ATRN: variants seen among roughly 807,000 people sequenced by gnomAD.
ATRN encodes the protein attractin, also known as attractin-2.
In ATRN, 54 loss-of-function variants were observed where a neutral mutation model predicts 178.7. The observed-to-expected ratio is 0.30, with a 90% CI of 0.24 to 0.38. The LOEUF (loss-of-function observed/expected upper bound fraction) is 0.38. Ranked by LOEUF, ATRN falls within the 10% of genes least tolerant of loss-of-function variation. The pLI is 1.00. For missense variants in ATRN, 1,443 were observed against 1,815.1 expected, an observed-to-expected ratio of 0.79 and a Z score of 3.73; for synonymous variants, 636 against 663.0, an observed-to-expected ratio of 0.96 and a Z score of 0.63.
chr20:3,507,992 C>A (rs570268357), intron 1 of ATRN, among the ~76,000 whole-genome samples: 1 of 151,930 alleles, frequency 6.6e-6, no homozygotes, highest in East Asian at 1.9e-4. Context: ...CATGAGCCAC[C>A]GCGCCTGGTG....
chr20:3,474,490 G>A (rs2146053341), intron 1 of ATRN, among the ~76,000 whole-genome samples: 1 of 147,362 alleles, frequency 6.8e-6, no homozygotes, highest in South Asian at 2.2e-4. Context: ...GGTGTATCAC[G>A]AGGTCAGGAG....
rs536209701 is a variant in ATRN at position 3,554,990 on chromosome 20, C to CTT, written c.1113-4374_1113-4373dup. The stretch of plus-strand genomic sequence containing the variant: ...TGGAACACCAAGTGTGACCTGACCT[C>CTT]TTTTTTTTTTTTTTTTTTTTTTTTT... On this transcript the variant is annotated intron_variant, in intron 6 of 28. Transcript: ENST00000262919. Among the ~76,000 whole-genome samples, 45 of 67,492 alleles carry CTT rather than the reference C, an allele frequency of 6.7e-4. 4 individuals are homozygous for CTT. The highest frequency in any genetic ancestry group is 2.5e-3 in the East Asian group (4 of 1,602). The allele number at this position is 67,492 out of a possible 152,430, so 44.3% of individuals were successfully genotyped here.
intron 6 of ATRN, among the ~76,000 whole-genome samples, chr20:3,554,999 T>C (rs2085849860): frequency 9.0e-6 from 1 of 111,466 alleles, no homozygotes; most frequent in African/African-American, 3.3e-5. Flanking sequence ...TCTTTTTTTT[T>C]TTTTTTTTTT....
intron 2 of ATRN, among the ~76,000 whole-genome samples, chr20:3,538,374 G>A (rs2085569928): frequency 1.3e-5 from 2 of 152,042 alleles, no homozygotes. Flanking sequence ...ATGCCAGCAT[G>A]GTTATAAAAT....
chr20:3,619,218 G>T (rs2086877348), intron 24 of ATRN, among the ~76,000 whole-genome samples: 1 of 152,218 alleles, frequency 6.6e-6, no homozygotes. Context: ...GTGTGCTCAT[G>T]ATAATGGATA....
chr20:3,566,216 C>G (rs2086033931), intron 11 of ATRN, among the ~76,000 whole-genome samples: 1 of 152,108 alleles, frequency 6.6e-6, no homozygotes, highest in Non-Finnish European at 1.5e-5. Flanking sequence ...TAATATAGCT[C>G]AAGTCTGTAG....
intron 1 of ATRN, among the ~76,000 whole-genome samples, chr20:3,525,786 A>G (rs2085356111): frequency 1.3e-5 from 2 of 152,200 alleles, no homozygotes; most frequent in Admixed American, 1.3e-4. Flanking sequence ...CATAAACAGA[A>G]CCAATGACAA....
intron 15 of ATRN, among the ~76,000 whole-genome samples, chr20:3,579,480 C>T (rs976797809): frequency 3.3e-5 from 5 of 151,894 alleles, no homozygotes; most frequent in Non-Finnish European, 5.9e-5. Context: ...AGCGATACTC[C>T]GTCTCAAAAC....
chr20:3,527,987 G>A (rs1353899201), intron 1 of ATRN, among the ~76,000 whole-genome samples: 1 of 152,028 alleles, frequency 6.6e-6, no homozygotes, highest in African/African-American at 2.4e-5. Context: ...CTTGATGGGT[G>A]CGGCAAACCA....
At chr20:3,628,885 T>C in intron 25 of ATRN, 1 of 985,294 alleles carries the variant, frequency 1.0e-6, no homozygotes, top group Non-Finnish European at 1.2e-6. Flanking sequence ...CCTCTCACTG[T>C]TGATTTTTTC....
At chr20:3,485,879 C>T (rs752783250) in intron 1 of ATRN, among the ~76,000 whole-genome samples, 1 of 152,022 alleles carries the variant, frequency 6.6e-6, no homozygotes, top group Non-Finnish European at 1.5e-5. Context: ...CTCAGCCTCC[C>T]AAAGTGCTGG....
chr20:3,551,798 CA>C lies in ATRN; in HGVS notation c.1112+2463del. 2.0e-5 allele frequency among the ~76,000 whole-genome samples: 3 copies of C among 152,280 alleles called. No homozygotes were observed. In the South Asian group the frequency reaches 6.2e-4, roughly 32 times the overall value. On this transcript the variant is annotated intron_variant, in intron 6 of 28. Coordinates refer to ENST00000262919, the MANE Select transcript of ATRN (RefSeq NM_139321.3). ...GATAAAGGTCAGAAAATGATTTCCA[CA>C]AACTCCTACCACCACATTTCCCCTT...
At chr20:3,489,645 A>C (rs2084754973) in intron 1 of ATRN, 13 of 1,480,760 alleles carry the variant, frequency 8.8e-6, no homozygotes, top group Non-Finnish European at 1.0e-5. Context: ...AGCCTTCTGC[A>C]ATTTGAATTT....
chr20:3,590,782 C>T (rs2086430303), intron 18 of ATRN, among the ~76,000 whole-genome samples: 1 of 152,030 alleles, frequency 6.6e-6, no homozygotes, highest in African/African-American at 2.4e-5. Context: ...AAATTATGTT[C>T]TTCTGGTATA....
intron 25 of ATRN, among the ~76,000 whole-genome samples, chr20:3,625,791 TTC>T (rs1253233827): frequency 6.6e-6 from 1 of 152,186 alleles, no homozygotes; most frequent in Non-Finnish European, 1.5e-5. Context: ...AAGTCTCTGT[TTC>T]CCAGATCCCA....
Position 3,549,279 on chromosome 20 carries a change from C to T in ATRN, c.1053C>T (p.Asn351=), listed in dbSNP as rs1464125811. Reference sequence around the variant, plus strand: ...CTCATAAAGCTGTGGTCAATGGAAACATTATGTGGGTTGTTGGAGGATATA... The same window carrying T: ...CTCATAAAGCTGTGGTCAATGGAAATATTATGTGGGTTGTTGGAGGATATA... ...RASHKAVVNG[N]IMWVVGGYMF... Residue 351 remains asparagine (N), a synonymous_variant, in exon 6 of 29, where the codon AAC becomes AAT. Coordinates refer to ENST00000262919, the MANE Select transcript of ATRN (RefSeq NM_139321.3). 2.5e-6 allele frequency: 4 copies of T among 1,609,478 alleles called. No individual in the cohort carries two copies. Among genetic ancestry groups the T allele is most frequent in the Non-Finnish European group, 3.4e-6 (4 of 1,178,456 alleles).
chr20:3,633,572 A>G (rs1182983479), intron 25 of ATRN, among the ~76,000 whole-genome samples: 2 of 152,234 alleles, frequency 1.3e-5, no homozygotes, highest in Admixed American at 1.3e-4. Context: ...GTTAATGAGT[A>G]AAAATGCAGT....
At chr20:3,547,609 C>G in intron 5 of ATRN, 120 bp downstream of exon 5, 1 of 874,882 alleles carries the variant, frequency 1.1e-6, no homozygotes, top group Non-Finnish European at 1.7e-6. Flanking sequence ...TACGAGGTAG[C>G]ATTTAAGCTT....
At chr20:3,536,232 G>A (rs998704064) in intron 2 of ATRN, among the ~76,000 whole-genome samples, 9 of 151,890 alleles carry the variant, frequency 5.9e-5, no homozygotes, top group South Asian at 2.1e-4. Context: ...ATTTTGAGAT[G>A]TCATCTCGCT....
Sources: gnomAD v4.1 joint callset for allele counts (sites outside exome capture counted in the v4.1 genomes callset) on GRCh38, gnomAD v4.1.1 for gene constraint, MANE v1.5 for transcripts, NCBI Gene and HGNC (gene_info 2026-07-23, HGNC 2026-07-21) for gene names.